The following TBC1D22A variants were observed in gnomAD, a reference collection of about 807,000 sequenced individuals.
TBC1D22A encodes putative GTPase activator.
A neutral mutation model predicts 60.2 loss-of-function variants in TBC1D22A; 38 were observed. The observed-to-expected ratio is 0.63, with a 90% CI of 0.49 to 0.83. The LOEUF is 0.83. Ranked by LOEUF, TBC1D22A falls within the 40% of genes least tolerant of loss-of-function variation. TBC1D22A has a pLI of 0.00. For missense variants in TBC1D22A, 628 were observed against 701.0 expected, an observed-to-expected ratio of 0.90 and a Z score of 1.18; for synonymous variants, 302 against 281.7, an observed-to-expected ratio of 1.07 and a Z score of -0.72.
At chr22:47,066,472 C>A (rs2063777606) in intron 11 of TBC1D22A, among the ~76,000 whole-genome samples, 1 of 152,226 alleles carries the variant, frequency 6.6e-6, no homozygotes, top group Admixed American at 6.5e-5. Context: ...CATGGCTCAG[C>A]CCCGCGAAGA....
At chr22:46,979,834 A>T (rs950423848) in intron 9 of TBC1D22A, among the ~76,000 whole-genome samples, 1 of 152,120 alleles carries the variant, frequency 6.6e-6, no homozygotes, top group Non-Finnish European at 1.5e-5. Context: ...CTATGACAGC[A>T]GTTTCAATAT....
At chr22:47,139,074 C>T (rs1339380371) in intron 12 of TBC1D22A, among the ~76,000 whole-genome samples, 4 of 152,242 alleles carry the variant, frequency 2.6e-5, no homozygotes, top group Admixed American at 6.5e-5. Context: ...CCCCTGAGGG[C>T]CCAGCCTGGA....
At position 47,173,836 on chromosome 22, in the gene TBC1D22A, G is replaced by C. The variant is rs2068583770; in HGVS notation, c.*210G>C. Reference sequence around the variant, plus strand: ...CCTTTGTTTTCTGAGATACCAAAGAGAGCCAGGGGAGGGCCCCGGGTTCGG... The same window carrying C: ...CCTTTGTTTTCTGAGATACCAAAGACAGCCAGGGGAGGGCCCCGGGTTCGG... On this transcript the variant is annotated 3_prime_UTR_variant, in exon 13 of 13. Coordinates refer to ENST00000337137, the MANE Select transcript of TBC1D22A (RefSeq NM_014346.5). 5 of 770,178 alleles carry C rather than the reference G, an allele frequency of 6.5e-6. No individual in the cohort carries two copies. The highest frequency in any genetic ancestry group is 9.7e-6 in the Non-Finnish European group (5 of 515,724). 47.7% of individuals were successfully genotyped at this position (770,178 alleles called of 1,614,324 possible). A position where few individuals can be genotyped will look rare whatever the true frequency, so the allele number is the denominator to read the frequency against.
At chr22:46,920,258 T>A (rs1390452379) in intron 8 of TBC1D22A, among the ~76,000 whole-genome samples, 1 of 152,148 alleles carries the variant, frequency 6.6e-6, no homozygotes, top group African/African-American at 2.4e-5. Context: ...TTTTTATTTT[T>A]TGTAGAGGCA....
In TBC1D22A at chr22:46,990,219, A is replaced by G. The variant is rs2148203548; in HGVS notation, c.1126-7415A>G. Among the ~76,000 whole-genome samples, 1 of 152,262 alleles carries G rather than the reference A, an allele frequency of 6.6e-6. No homozygotes were observed. The highest frequency in any genetic ancestry group is 2.1e-4 in the South Asian group (1 of 4,824). ...CATATATATTCATCTAATCTGTCCA[A>G]CCTAATTATTTATACGGTTGGGGTT... On this transcript the variant is annotated intron_variant, in intron 9 of 12. Transcript: ENST00000337137. The surrounding 1 kb of genome is among the most constrained non-coding windows in gnomAD (Gnocchi z 4.6).
At chr22:46,811,732 C>T (rs801476) in intron 4 of TBC1D22A, among the ~76,000 whole-genome samples, 2,450 of 152,278 alleles carry the variant, frequency 0.016, 72 homozygotes, top group African/African-American at 0.054. Context: ...AGCCAGCATC[C>T]AGTCTGTCGC....
At chr22:46,823,119 T>G (rs966025994) in intron 4 of TBC1D22A, among the ~76,000 whole-genome samples, 3 of 152,128 alleles carry the variant, frequency 2.0e-5, no homozygotes, top group Non-Finnish European at 4.4e-5. Context: ...CAAAGCATCT[T>G]ACTGTCTTCT....
intron 8 of TBC1D22A, among the ~76,000 whole-genome samples, chr22:46,936,664 A>G (rs555919505): frequency 1.8e-4 from 28 of 152,336 alleles, no homozygotes; most frequent in African/African-American, 5.3e-4. Flanking sequence ...AGGCTCTGCA[A>G]TGGAGCCCTG....
chr22:47,011,121 C>A (rs112703868), intron 10 of TBC1D22A, among the ~76,000 whole-genome samples: 2 of 152,186 alleles, frequency 1.3e-5, no homozygotes, highest in African/African-American at 4.8e-5. Context: ...TCAGCTTCCC[C>A]GCAGGCTGGA....
chr22:47,040,496 C>T (rs1016904459), intron 11 of TBC1D22A, among the ~76,000 whole-genome samples: 1 of 150,630 alleles, frequency 6.6e-6, no homozygotes, highest in Non-Finnish European at 1.5e-5. Flanking sequence ...AGGGGGTCGT[C>T]GAGCAAGTGG....
intron 10 of TBC1D22A, among the ~76,000 whole-genome samples, chr22:47,032,895 G>A (rs962692517): frequency 1.3e-5 from 2 of 152,212 alleles, no homozygotes; most frequent in African/African-American, 2.4e-5. Flanking sequence ...GCCCTGGAAC[G>A]TTCCTTTCAC....
At position 46,990,664 on chromosome 22, in the gene TBC1D22A, C is replaced by A. The variant is rs970810390; in HGVS notation, c.1126-6970C>A. Among the ~76,000 whole-genome samples, 1 of 152,122 alleles carries A rather than the reference C, an allele frequency of 6.6e-6. No individual in the cohort carries two copies. Among genetic ancestry groups the A allele is most frequent in the African/African-American group, 2.4e-5 (1 of 41,410 alleles). ...GCCCCGCCTGTTCATCCCCTTCCAC[C>A]CAACCCCTGGGCTTTTTACTGTCTC... On this transcript the variant is annotated intron_variant, in intron 9 of 12. Coordinates refer to ENST00000337137, the MANE Select transcript of TBC1D22A (RefSeq NM_014346.5). The surrounding 1 kb of genome is among the most constrained non-coding windows in gnomAD (Gnocchi z 4.6).
rs564445512 is a variant in TBC1D22A, at chr22:47,040,684, G to T, written c.1329+3486G>T. 2.4e-3 allele frequency among the ~76,000 whole-genome samples: 372 copies of T among 152,272 alleles called. 1 individual carries two copies. Among genetic ancestry groups the T allele is most frequent in the African/African-American group, 8.6e-3 (359 of 41,544 alleles). Reference sequence around the variant, plus strand: ...GCTGACTTGATGGGGGGCCCTGTGGGAGGTTACCCCGTGCGGGACGTGACT... The same window carrying T: ...GCTGACTTGATGGGGGGCCCTGTGGTAGGTTACCCCGTGCGGGACGTGACT... On this transcript the variant is annotated intron_variant, in intron 11 of 12. Coordinates refer to ENST00000337137, the MANE Select transcript of TBC1D22A (RefSeq NM_014346.5).
chr22:47,026,522 A>C (rs530669516), intron 10 of TBC1D22A, among the ~76,000 whole-genome samples: 3 of 152,364 alleles, frequency 2.0e-5, no homozygotes, highest in Non-Finnish European at 4.4e-5. Flanking sequence ...TGGCATTTAC[A>C]AAAAAGCTAC....
chr22:47,147,108 G>C (rs1057045850), intron 12 of TBC1D22A, among the ~76,000 whole-genome samples: 9 of 152,218 alleles, frequency 5.9e-5, no homozygotes, highest in African/African-American at 2.2e-4. Flanking sequence ...GAAGGGCGAG[G>C]GAGGAGCAGC....
intron 10 of TBC1D22A, among the ~76,000 whole-genome samples, chr22:47,033,854 C>T (rs570371439): frequency 1.3e-5 from 2 of 152,150 alleles, no homozygotes; most frequent in South Asian, 2.1e-4. Context: ...CGGTGAAGGC[C>T]GAGGAGGGAG....
chr22:46,955,712 C>G (rs1446011704), intron 8 of TBC1D22A, among the ~76,000 whole-genome samples: 1 of 152,258 alleles, frequency 6.6e-6, no homozygotes, highest in Middle Eastern at 3.4e-3. Context: ...TTTTGTCTAT[C>G]AAATCATCAC....
chr22:46,891,386 T>TA lies in TBC1D22A; in HGVS notation c.830dup (p.Tyr277Ter), dbSNP rs1304694099. 6.2e-7 allele frequency: 1 copy of TA among 1,607,126 alleles called. No homozygotes were observed. The change falls in exon 6 of 13, where the codon TAC becomes TAAC. Residue 277 changes from tyrosine to a stop codon, truncating the protein, a stop_gained and frameshift_variant. Coordinates refer to ENST00000337137, the MANE Select transcript of TBC1D22A (RefSeq NM_014346.5). LOFTEE classifies it high-confidence loss of function. ...SRNDEVHQDT[Y>*]RQIHIDIPRM... ...GAACGACGAAGTTCACCAGGACACATACAGGCAGGTGGGAATCCTTTCTTT... is the reference window on the plus strand; with the variant it reads ...GAACGACGAAGTTCACCAGGACACATAACAGGCAGGTGGGAATCCTTTCTTT...
At chr22:47,079,059 TG>T (rs1000742648) in intron 11 of TBC1D22A, among the ~76,000 whole-genome samples, 12 of 148,492 alleles carry the variant, frequency 8.1e-5, no homozygotes, top group Non-Finnish European at 1.2e-4. Context: ...TGTCATTGAG[TG>T]GGTAAGTGAG....
Sources: allele counts gnomAD v4.1 joint callset (sites outside exome capture counted in the v4.1 genomes callset), GRCh38; gene constraint gnomAD v4.1.1; non-coding constraint Gnocchi (gnomAD v3.1); transcripts MANE v1.5; gene names NCBI Gene and HGNC (gene_info 2026-07-23, HGNC 2026-07-21).